Variants in VWA5A observed in about 807,000 individuals in gnomAD.
The protein encoded by VWA5A is von Willebrand factor A domain-containing protein 5A.
Under a neutral mutation model 84.6 loss-of-function variants are expected in VWA5A, and 77 were observed. The ratio of observed to expected loss-of-function variants is 0.91; its 90% CI spans 0.76 to 1.10. VWA5A has a LOEUF of 1.10. Ranked by LOEUF, VWA5A falls within the 50% of genes least tolerant of loss-of-function variation. The pLI, the probability that VWA5A is intolerant of heterozygous loss-of-function variation, is 0.00. For missense variants in VWA5A, 973 were observed against 963.0 expected (o/e 1.01, Z -0.14); for synonymous variants, 334 against 350.1 (o/e 0.95, Z 0.51).
At chr11:124,129,059 C>T (rs534288790) in intron 11 of VWA5A, among the ~76,000 whole-genome samples, 1 of 152,016 alleles carries the variant, frequency 6.6e-6, no homozygotes, top group Non-Finnish European at 1.5e-5. Context: ...GTCTTGTGCC[C>T]GTTTTCAAAG....
intron 11 of VWA5A, among the ~76,000 whole-genome samples, chr11:124,131,066 T>G (rs2137648046): frequency 6.6e-6 from 1 of 152,196 alleles, no homozygotes; most frequent in East Asian, 1.9e-4. Flanking sequence ...TCAATCTACC[T>G]ATAAGTAGTC....
chr11:124,118,392 T>C lies in VWA5A; in HGVS notation c.450T>C (p.Asn150=), dbSNP rs770009649. The change falls in exon 5 of 19, where the codon AAT becomes AAC. Residue 150 remains asparagine (N), a synonymous_variant. Coordinates refer to ENST00000456829, the MANE Select transcript of VWA5A (RefSeq NM_001130142.2). ...GCTTTGTGCTCCCAGCTGTCCTGAA[T>C]CCTAGATACCAGTTCTCTGGTGAGT... ...ALRFVLPAVL[N]PRYQFSGSSK... 8.3e-5 allele frequency: 134 copies of C among 1,614,114 alleles called. No homozygotes were observed. The highest frequency in any genetic ancestry group is 1.1e-4 in the Non-Finnish European group (124 of 1,180,046).
At chr11:124,134,587 C>A (rs1340626943) in intron 11 of VWA5A, among the ~76,000 whole-genome samples, 1 of 152,040 alleles carries the variant, frequency 6.6e-6, no homozygotes, top group Non-Finnish European at 1.5e-5. Flanking sequence ...AGAGATCTTG[C>A]AGTAAGACAG....
chr11:124,124,997 G>A (rs1013599532), intron 11 of VWA5A, among the ~76,000 whole-genome samples: 5 of 152,038 alleles, frequency 3.3e-5, no homozygotes, highest in African/African-American at 1.2e-4. Flanking sequence ...GTTGGACTTC[G>A]ATTTGGCTGT....
intron 15 of VWA5A, among the ~76,000 whole-genome samples, chr11:124,139,258 T>TG (rs1167473133): frequency 6.6e-6 from 1 of 151,478 alleles, no homozygotes; most frequent in Non-Finnish European, 1.5e-5. Flanking sequence ...TGTGTGTGTG[T>TG]TTTCTCAAGG....
At chr11:124,142,345 A>G (rs2137666309) in intron 16 of VWA5A, 97 bp from the exon 17 acceptor site, 1 of 1,487,428 alleles carries the variant, frequency 6.7e-7, no homozygotes, top group South Asian at 1.3e-5. Flanking sequence ...CATTCTTGCT[A>G]TGGCCTGTCT....
At position 124,117,518 on chromosome 11, in the gene VWA5A, C is replaced by T; in HGVS notation, c.7C>T (p.His3Tyr). 1.2e-6 allele frequency: 2 copies of T among 1,614,194 alleles called. No homozygotes were observed. Among genetic ancestry groups the T allele is most frequent in the Non-Finnish European group, 1.7e-6 (2 of 1,180,016 alleles). MV[H>Y]FCGLLTLHRE... is the part of the protein sequence containing the mutation. ...GCAGAAATCTTGCATCACCATGGTGCACTTCTGTGGCCTACTCACCCTCCA... is the reference window on the plus strand; with the variant it reads ...GCAGAAATCTTGCATCACCATGGTGTACTTCTGTGGCCTACTCACCCTCCA... The change falls in exon 3 of 19, where the codon CAC becomes TAC. Residue 3 changes from histidine (H) to tyrosine (Y), a missense_variant. Physicochemically the swap from His to Tyr is moderately conservative, Grantham distance 83. Coordinates refer to ENST00000456829, the MANE Select transcript of VWA5A (RefSeq NM_001130142.2).
rs370127467 is a variant in VWA5A at position 124,118,563 on chromosome 11, A to G, written c.500A>G (p.Lys167Arg). 2 of 1,614,132 alleles carry G rather than the reference A, an allele frequency of 1.2e-6. No individual in the cohort carries two copies. The highest frequency in any genetic ancestry group is 1.3e-5 in the African/African-American group (1 of 75,028). Residue 167 changes from lysine to arginine, a missense_variant, in exon 6 of 19, where the codon AAG becomes AGG. Physicochemically the swap from Lys to Arg is conservative, Grantham distance 26. Transcript: ENST00000456829. ...GSSKDSCLNV[K>R]TPIVPVEDLP... ...TCTAAGGACAGTTGCCTTAATGTGA[A>G]GACTCCTATAGTCCCTGTGGAGGAC... is the stretch of plus-strand genomic sequence containing the variant.
chr11:124,143,080 CTGTCT>C (rs1382276408), intron 17 of VWA5A, among the ~76,000 whole-genome samples: 5 of 152,206 alleles, frequency 3.3e-5, no homozygotes, highest in African/African-American at 1.2e-4. Context: ...CTAAGAGTAT[CTGTCT>C]TGAGAACCCC....
rs539171875 is a variant in VWA5A at position 124,126,554 on chromosome 11, T to A, written c.1244+2238T>A. ...GGCAGGCAGACCACGAGGTCAGGAGTTTGAGACCAACCTGGCCAACATGGT... is the reference window on the plus strand; with the variant it reads ...GGCAGGCAGACCACGAGGTCAGGAGATTGAGACCAACCTGGCCAACATGGT... On this transcript the variant is annotated intron_variant, in intron 11 of 18. Transcript: ENST00000456829. 2.0e-4 allele frequency among the ~76,000 whole-genome samples: 31 copies of A among 151,902 alleles called. 1 individual carries two copies. The South Asian group carries it at 6.2e-3, about 31-fold the overall frequency.
At position 124,144,249 on chromosome 11, in the gene VWA5A, A is replaced by G. The variant is rs1290782280; in HGVS notation, c.2155-988A>G. On this transcript the variant is annotated intron_variant, in intron 17 of 18. Transcript: ENST00000456829. The stretch of plus-strand genomic sequence containing the variant: ...TACTGTTTTGGGTTCCAAATTCCCA[A>G]CTCTACAGGTAGAGAAGAGAGCATT... 2.6e-5 allele frequency among the ~76,000 whole-genome samples: 4 copies of G among 152,172 alleles called. No homozygotes were observed. The East Asian group carries it at 7.7e-4, about 29-fold the overall frequency.
intron 11 of VWA5A, among the ~76,000 whole-genome samples, chr11:124,125,253 A>C (rs1865001269): frequency 6.7e-6 from 1 of 150,314 alleles, no homozygotes. Context: ...TTTAAATTTT[A>C]GTTTTGTGTG....
rs908715270 is a variant in VWA5A, at chr11:124,118,543, G to A, written c.480G>A (p.Lys160=). The change falls in exon 6 of 19, where the codon AAG becomes AAA. Residue 160 remains lysine, a synonymous_variant. Transcript: ENST00000456829. ...GGTCATCTTTTATAGGGTCGTCTAA[G>A]GACAGTTGCCTTAATGTGAAGACTC... is the stretch of plus-strand genomic sequence containing the variant. ...NPRYQFSGSS[K]DSCLNVKTPI... 9 of 1,613,998 alleles carry A rather than the reference G, an allele frequency of 5.6e-6. No individual in the cohort carries two copies. The highest frequency in any genetic ancestry group is 1.7e-5 in the Admixed American group (1 of 59,998).
intron 1 of VWA5A, 99 bp from the exon 2 acceptor site, chr11:124,116,467 C>A (rs1864831729): frequency 6.6e-6 from 1 of 152,226 alleles, no homozygotes; most frequent in African/African-American, 2.4e-5. Context: ...GAGTATTGCC[C>A]AGCCTGAGAG....
At position 124,117,727 on chromosome 11, in the gene VWA5A, T is replaced by A; in HGVS notation, c.98T>A (p.Val33Glu). The A allele has an allele frequency of 6.2e-7, 1 of 1,614,094 alleles. No homozygotes were observed. The highest frequency in any genetic ancestry group is 8.5e-7 in the Non-Finnish European group (1 of 1,180,030). ...AACATTTACGAGTTTGTGGCTGGTG[T>A]GTCTGCAACTTTGAACTACGAGAAT... ...SVNIYEFVAG[V>E]SATLNYENEE... Residue 33 changes from valine to glutamate, a missense_variant, in exon 4 of 19, where the codon GTG becomes GAG. Val to Glu is a moderately radical substitution (Grantham distance 121, BLOSUM62 -2). Transcript: ENST00000456829.
intron 1 of VWA5A, 125 bp downstream of exon 1, chr11:124,115,607 C>T (rs1428366743): frequency 2.0e-5 from 3 of 152,152 alleles, no homozygotes; most frequent in Non-Finnish European, 4.4e-5. Flanking sequence ...ATTGCACGCC[C>T]CATGGGTGGA....
At chr11:124,129,183 A>G (rs1416232864) in intron 11 of VWA5A, among the ~76,000 whole-genome samples, 1 of 152,180 alleles carries the variant, frequency 6.6e-6, no homozygotes, top group Non-Finnish European at 1.5e-5. Context: ...GAGAGTTCTT[A>G]GCACAAAGGG....
In VWA5A at chr11:124,145,231, G is replaced by A. The variant is rs754063981; in HGVS notation, c.2155-6G>A. ...TGCCAACTGGAGCTCTCTATCTACT[G>A]TGCAGCTTGTGGATTCCTCAGGCTG... is the stretch of plus-strand genomic sequence containing the variant. On this transcript the variant is annotated splice_region_variant and splice_polypyrimidine_tract_variant and intron_variant, in intron 17 of 18. Transcript: ENST00000456829. 1.2e-6 allele frequency: 2 copies of A among 1,611,422 alleles called. No individual in the cohort carries two copies. The highest frequency in any genetic ancestry group is 1.1e-5 in the South Asian group (1 of 90,628).
In VWA5A at chr11:124,145,263, C is replaced by G. The variant is rs7928099; in HGVS notation, c.2181C>G (p.Thr727=). Residue 727 remains threonine, a synonymous_variant, in exon 18 of 19, where the codon ACC becomes ACG. Transcript: ENST00000456829. ...TTGTGGATTCCTCAGGCTGGGCCAC[C>G]ATCCTGGCCGTGATCTGGCTGCACA... ...AELVDSSGWA[T]ILAVIWLHSN... is the part of the protein sequence containing the mutation. The G allele has an allele frequency of 6.2e-7, 1 of 1,613,562 alleles. No homozygotes were observed. Among genetic ancestry groups the G allele is most frequent in the African/African-American group, 1.3e-5 (1 of 74,900 alleles).
Sources: allele counts gnomAD v4.1 joint callset (sites outside exome capture counted in the v4.1 genomes callset), GRCh38; gene constraint gnomAD v4.1.1; transcripts MANE v1.5; gene names NCBI Gene and HGNC (gene_info 2026-07-23, HGNC 2026-07-21).